Variants in CPQ observed in about 807,000 individuals in gnomAD.
The protein encoded by CPQ is carboxypeptidase Q, also known as Ser-Met dipeptidase.
In CPQ, 37 loss-of-function variants were observed where a neutral mutation model predicts 45.7. The observed-to-expected ratio is 0.81, with a 90% confidence interval of 0.62 to 1.07. The LOEUF (loss-of-function observed/expected upper bound fraction) is 1.07. CPQ is among the 50% of genes least tolerant of loss of function. The pLI is 0.00. For synonymous variants in CPQ, 186 were observed against 205.8 expected (o/e 0.90, Z 0.82); for missense variants, 537 against 572.9 (o/e 0.94, Z 0.64).
chr8:96,956,997 T>G (rs928525020), intron 4 of CPQ, among the ~76,000 whole-genome samples: 2 of 152,270 alleles, frequency 1.3e-5, no homozygotes, highest in African/African-American at 4.8e-5. Context: ...TCCTGCAGCT[T>G]GCGCTGATTT....
intron 7 of CPQ, among the ~76,000 whole-genome samples, chr8:97,091,801 A>G (rs1811129443): frequency 6.6e-6 from 1 of 152,050 alleles, no homozygotes; most frequent in Non-Finnish European, 1.5e-5. Context: ...GACCAAAGAG[A>G]ATGAAATGGT....
At chr8:97,134,923 C>T (rs1261007497) in intron 7 of CPQ, among the ~76,000 whole-genome samples, 2 of 152,136 alleles carry the variant, frequency 1.3e-5, no homozygotes, top group Non-Finnish European at 2.9e-5. Context: ...CTTGTAATTC[C>T]CCTATTTGGG....
intron 3 of CPQ, among the ~76,000 whole-genome samples, chr8:96,858,312 T>G (rs1310775108): frequency 6.6e-6 from 1 of 152,182 alleles, no homozygotes; most frequent in Non-Finnish European, 1.5e-5. Flanking sequence ...ATTTTCTCTA[T>G]CTTGTGGCAG....
At chr8:96,930,325 G>T (rs1812955907) in intron 4 of CPQ, among the ~76,000 whole-genome samples, 1 of 152,116 alleles carries the variant, frequency 6.6e-6, no homozygotes, top group Admixed American at 6.5e-5. Flanking sequence ...GGTGATTTTT[G>T]GGAAAGATTG....
chr8:96,769,468 C>T (rs1339074745), intron 1 of CPQ, among the ~76,000 whole-genome samples: 6 of 151,954 alleles, frequency 3.9e-5, no homozygotes, highest in Non-Finnish European at 8.8e-5. Context: ...GATCATAGAC[C>T]CCTGTTCTCC....
intron 7 of CPQ, among the ~76,000 whole-genome samples, chr8:97,072,835 C>T (rs1810770230): frequency 6.6e-6 from 1 of 152,168 alleles, no homozygotes; most frequent in South Asian, 2.1e-4. Context: ...GTTCACCTCT[C>T]CTCTTAGTAC....
chr8:96,964,242 G>A (rs770393125), intron 4 of CPQ, among the ~76,000 whole-genome samples: 1 of 150,074 alleles, frequency 6.7e-6, no homozygotes, highest in East Asian at 1.9e-4. Flanking sequence ...ATAACGAGGA[G>A]TAGCATTGCT....
intron 3 of CPQ, among the ~76,000 whole-genome samples, chr8:96,864,740 T>C (rs746093567): frequency 3.3e-5 from 5 of 152,032 alleles, no homozygotes; most frequent in Admixed American, 6.6e-5. Context: ...TAAAAATGTA[T>C]CCTAAATCTA....
chr8:96,660,365 C>T (rs148921164), intron 1 of CPQ, among the ~76,000 whole-genome samples: 75 of 152,290 alleles, frequency 4.9e-4, no homozygotes, highest in African/African-American at 1.8e-3. Flanking sequence ...TTAGGGCCCA[C>T]CCTGATAGTC....
intron 1 of CPQ, among the ~76,000 whole-genome samples, chr8:96,776,550 G>C (rs1267181373): frequency 6.6e-6 from 1 of 152,068 alleles, no homozygotes; most frequent in Non-Finnish European, 1.5e-5. Context: ...ATCATAGCCT[G>C]AGACATTTTC....
intron 3 of CPQ, among the ~76,000 whole-genome samples, chr8:96,858,804 C>A (rs1811889329): frequency 6.6e-6 from 1 of 152,180 alleles, no homozygotes; most frequent in Non-Finnish European, 1.5e-5. Flanking sequence ...CCACACCACC[C>A]TATTGAGGTC....
At chr8:96,920,889 C>T (rs575104458) in intron 4 of CPQ, among the ~76,000 whole-genome samples, 1 of 152,294 alleles carries the variant, frequency 6.6e-6, no homozygotes, top group African/African-American at 2.4e-5. Flanking sequence ...GTGAGAAATA[C>T]ATTTCTGTTG....
At chr8:97,115,858 G>A (rs759450026) in intron 7 of CPQ, among the ~76,000 whole-genome samples, 4 of 151,802 alleles carry the variant, frequency 2.6e-5, no homozygotes, top group Non-Finnish European at 4.4e-5. Context: ...TTAAAAATCA[G>A]GTGTATTGAA....
intron 7 of CPQ, among the ~76,000 whole-genome samples, chr8:97,080,827 T>C (rs1289287183): frequency 6.6e-6 from 1 of 152,198 alleles, no homozygotes; most frequent in African/African-American, 2.4e-5. Flanking sequence ...CTATTAGTTA[T>C]GCATCTTTTG....
chr8:96,693,134 T>C (rs1163691842), intron 1 of CPQ, among the ~76,000 whole-genome samples: 1 of 151,134 alleles, frequency 6.6e-6, no homozygotes, highest in African/African-American at 2.4e-5. Context: ...ATTTTGAAAA[T>C]ACGCAAAGTA....
Position 96,785,055 on chromosome 8 carries a change from T to G in CPQ, c.158T>G (p.Leu53Arg). The G allele has an allele frequency of 6.2e-7, 1 of 1,613,868 alleles. No homozygotes were observed. Among genetic ancestry groups the G allele is most frequent in the Admixed American group, 1.7e-5 (1 of 59,976 alleles). Residue 53 changes from leucine (L) to arginine (R), a missense_variant, in exon 2 of 8, where the codon CTA becomes CGA. Physicochemically the swap from Leu to Arg is moderately radical, Grantham distance 102. Transcript: ENST00000220763. ...GATGTTGCTAAAGCAATCATCAACC[T>G]AGCTGTTTATGGTAAAGCCCAGAAC... ...CGDVAKAIINLAVYGKAQNRS... is the reference protein window; with the variant it reads ...CGDVAKAIINRAVYGKAQNRS...
chr8:97,000,372 G>T (rs1423058355), intron 5 of CPQ, among the ~76,000 whole-genome samples: 2 of 151,894 alleles, frequency 1.3e-5, no homozygotes, highest in Admixed American at 6.6e-5. Flanking sequence ...TATAGTTTTG[G>T]GTTTTACATT....
Position 96,930,562 on chromosome 8 carries a change from G to A in CPQ, c.850-35373G>A, listed in dbSNP as rs189922550. The stretch of plus-strand genomic sequence containing the variant: ...TTGGAGATTTTTAGTTTTAAACCAC[G>A]TATTTTACTGGAAGTATAATGCACC... On this transcript the variant is annotated intron_variant, in intron 4 of 7. Transcript: ENST00000220763. 1.3e-3 allele frequency among the ~76,000 whole-genome samples: 191 copies of A among 152,154 alleles called. 1 individual carries two copies. Among genetic ancestry groups the A allele is most frequent in the Non-Finnish European group, 1.3e-3 (89 of 67,994 alleles).
rs745645419 is a variant in CPQ, at chr8:96,785,364, T to C, written c.433+34T>C. 13 of 1,499,116 alleles carry C rather than the reference T, an allele frequency of 8.7e-6. No individual in the cohort carries two copies. The Admixed American group carries it at 2.5e-4, about 29-fold the overall frequency. 92.9% of individuals were successfully genotyped at this position (1,499,116 alleles called of 1,614,324 possible). The stretch of plus-strand genomic sequence containing the variant: ...TGTCTTTTCAGTTTGATTTGTATTT[T>C]ATAAAACTAATGTCCCTTGGTGTAA... On this transcript the variant is annotated intron_variant, in intron 2 of 7. Coordinates refer to ENST00000220763, the MANE Select transcript of CPQ (RefSeq NM_016134.4).
Sources: gnomAD v4.1 joint callset for allele counts (sites outside exome capture counted in the v4.1 genomes callset) on GRCh38, gnomAD v4.1.1 for gene constraint, MANE v1.5 for transcripts, NCBI Gene and HGNC (gene_info 2026-07-23, HGNC 2026-07-21) for gene names.